PRKN: variants seen among roughly 807,000 people sequenced by gnomAD.
PRKN encodes the protein E3 ubiquitin-protein ligase parkin.
A neutral mutation model predicts 59.5 loss-of-function variants in PRKN; 56 were observed. The ratio of observed to expected loss-of-function variants is 0.94; its 90% confidence interval spans 0.76 to 1.18. The LOEUF (loss-of-function observed/expected upper bound fraction) is 1.18, where lower values mean the gene tolerates loss of function less well. PRKN is among the 50% of genes most tolerant of loss of function. The probability of loss-of-function intolerance (pLI) is 0.00; values close to 1 mark genes in which losing one functional copy is unlikely to be tolerated. For synonymous variants in PRKN, 250 were observed against 222.1 expected (o/e 1.13, Z -1.12); for missense variants, 657 against 596.4 (o/e 1.10, Z -1.06).
At chr6:161,625,229 A>G (rs369569128) in intron 7 of PRKN, among the ~76,000 whole-genome samples, 1 of 152,256 alleles carries the variant, frequency 6.6e-6, no homozygotes, top group African/African-American at 2.4e-5. Flanking sequence ...AATACTATGC[A>G]GCCATAAAAA....
intron 1 of PRKN, among the ~76,000 whole-genome samples, chr6:162,533,987 A>G (rs901486798): frequency 2.6e-5 from 4 of 151,698 alleles, no homozygotes; most frequent in East Asian, 3.9e-4. Flanking sequence ...AAAAAAAAAA[A>G]AGAGATATGA....
In PRKN at chr6:161,753,990, C is replaced by T. The variant is rs149978429; in HGVS notation, c.871+31782G>A. Among the ~76,000 whole-genome samples, 30 of 152,126 alleles carry T rather than the reference C, an allele frequency of 2.0e-4. No homozygotes were observed. The East Asian group carries it at 2.9e-3, about 15-fold the overall frequency. On this transcript the variant is annotated intron_variant, in intron 7 of 11. Transcript: ENST00000366898. ...ATCCAGCAGCCAGAGAAGAGGAGGA[C>T]GATCCCAGACGGTGCCCAGTGTGTA...
chr6:161,628,029 A>G (rs971568318), intron 7 of PRKN, among the ~76,000 whole-genome samples: 8 of 152,218 alleles, frequency 5.3e-5, no homozygotes, highest in African/African-American at 1.9e-4. Context: ...ACAAACAAAC[A>G]TGATGGTGTC....
rs1047870915 is a variant in PRKN, at chr6:161,451,946, TTTTTC to T, written c.1084-65074_1084-65070del. On this transcript the variant is annotated intron_variant, in intron 9 of 11. Transcript: ENST00000366898. The surrounding 1 kb of genome is among the most constrained non-coding windows in gnomAD (Gnocchi z 5.9). ...CTTTTTTCTTTTCTTTTCTTTTACT[TTTTTC>T]TTTTCTTTTCTTTTCTTTTTTTGGG... Among the ~76,000 whole-genome samples the T allele has an allele frequency of 3.5e-4, 53 of 152,066 alleles. No individual in the cohort carries two copies. Among genetic ancestry groups the T allele is most frequent in the Middle Eastern group, 3.4e-3 (1 of 294 alleles).
At chr6:162,650,553 C>G (rs1462186235) in intron 1 of PRKN, among the ~76,000 whole-genome samples, 2 of 147,924 alleles carry the variant, frequency 1.4e-5, no homozygotes, top group East Asian at 2.0e-4. Flanking sequence ...AGCCGAGATC[C>G]CGCCACTGCA....
Position 161,517,739 on chromosome 6 carries a change from CAAAAAAAAAA to C in PRKN, c.1083+31105_1083+31114del, listed in dbSNP as rs3032892. On this transcript the variant is annotated intron_variant, in intron 9 of 11. Coordinates refer to ENST00000366898, the MANE Select transcript of PRKN (RefSeq NM_004562.3). ...TGGGTGACAGAGTGAGACTCTATCT[CAAAAAAAAAA>C]AAAAAAAAAAAAAAAAGAGTTGAGG... Among the ~76,000 whole-genome samples, 13 of 48,390 alleles carry C rather than the reference CAAAAAAAAAA, an allele frequency of 2.7e-4. No individual in the cohort carries two copies. The Admixed American group carries it at 3.5e-3, about 13-fold the overall frequency. 31.7% of individuals were successfully genotyped at this position (48,390 alleles called of 152,430 possible).
intron 3 of PRKN, among the ~76,000 whole-genome samples, chr6:162,247,857 C>T (rs6922813): frequency 0.069 from 10,482 of 152,132 alleles, 597 homozygotes; most frequent in African/African-American, 0.15. Context: ...TATTTTTGAA[C>T]ACTTGTTAAT....
chr6:162,263,686 G>C (rs1779999888), intron 2 of PRKN, among the ~76,000 whole-genome samples: 1 of 152,176 alleles, frequency 6.6e-6, no homozygotes, highest in African/African-American at 2.4e-5. Flanking sequence ...GGCCGCGGTG[G>C]CTCAGGCCTC....
intron 9 of PRKN, among the ~76,000 whole-genome samples, chr6:161,449,210 C>T (rs1200626957): frequency 6.6e-6 from 1 of 152,052 alleles, no homozygotes; most frequent in Non-Finnish European, 1.5e-5. Context: ...ATAGTAATGC[C>T]CCGGTTTCAA....
intron 1 of PRKN, among the ~76,000 whole-genome samples, chr6:162,708,105 T>G (rs906539941): frequency 3.9e-5 from 6 of 152,222 alleles, no homozygotes; most frequent in African/African-American, 1.4e-4. Flanking sequence ...TATTTATGGC[T>G]CTGATAAACA....
At position 161,399,600 on chromosome 6, in the gene PRKN, G is replaced by A. The variant is rs186667416; in HGVS notation, c.1084-12723C>T. On this transcript the variant is annotated intron_variant, in intron 9 of 11. Transcript: ENST00000366898. This position sits in a 1 kb window ranked among gnomAD's most constrained non-coding sequence, Gnocchi z 4.4. Reference sequence around the variant, plus strand: ...TATGCCTGTTGCATGTCCTGCAACCGGGGTGGGTCAGGGAACTCTCCCGTT... The same window carrying A: ...TATGCCTGTTGCATGTCCTGCAACCAGGGTGGGTCAGGGAACTCTCCCGTT... Among the ~76,000 whole-genome samples, 11 of 152,240 alleles carry A rather than the reference G, an allele frequency of 7.2e-5. No individual in the cohort carries two copies. The East Asian group carries it at 1.9e-3, about 27-fold the overall frequency.
At chr6:161,941,703 GGGCTCCAACAGCCCT>G (rs1779574887) in intron 6 of PRKN, among the ~76,000 whole-genome samples, 1 of 152,134 alleles carries the variant, frequency 6.6e-6, no homozygotes, top group Non-Finnish European at 1.5e-5. Flanking sequence ...CACTGCTGTG[GGGCTCCAACAGCCCT>G]GTCTGTATGC....
In PRKN at chr6:161,499,166, A is replaced by G. The variant is rs1050498078; in HGVS notation, c.1083+49688T>C. The stretch of plus-strand genomic sequence containing the variant: ...TTTTTTTTGGCTCACAGAGTGCTTG[A>G]AAAGAATCTAAGACAACATTTACAG... On this transcript the variant is annotated intron_variant, in intron 9 of 11. Coordinates refer to ENST00000366898, the MANE Select transcript of PRKN (RefSeq NM_004562.3). The surrounding 1 kb of genome is among the most constrained non-coding windows in gnomAD (Gnocchi z 4.2). 2.7e-5 allele frequency among the ~76,000 whole-genome samples: 4 copies of G among 150,228 alleles called. No homozygotes were observed. Among genetic ancestry groups the G allele is most frequent in the Non-Finnish European group, 1.5e-5 (1 of 67,810 alleles).
At chr6:161,622,493 G>A (rs1192246746) in intron 7 of PRKN, among the ~76,000 whole-genome samples, 1 of 152,086 alleles carries the variant, frequency 6.6e-6, no homozygotes, top group Non-Finnish European at 1.5e-5. Flanking sequence ...CACTGCTGCA[G>A]CCCCCAGCAG....
chr6:162,439,070 T>C (rs984467120), intron 2 of PRKN, among the ~76,000 whole-genome samples: 1 of 152,166 alleles, frequency 6.6e-6, no homozygotes, highest in Non-Finnish European at 1.5e-5. Context: ...TCCATTCTTA[T>C]GTCAAACCCA....
intron 1 of PRKN, among the ~76,000 whole-genome samples, chr6:162,593,376 C>A (rs775534647): frequency 1.6e-4 from 25 of 152,150 alleles, no homozygotes; most frequent in Non-Finnish European, 3.2e-4. Context: ...ACCTGAGAAG[C>A]CCTTGGTGGA....
intron 1 of PRKN, among the ~76,000 whole-genome samples, chr6:162,698,477 C>G (rs562369235): frequency 2.0e-5 from 3 of 152,110 alleles, no homozygotes; most frequent in Admixed American, 6.6e-5. Context: ...TATGTGCTGG[C>G]TAGAGCTCAA....
intron 2 of PRKN, among the ~76,000 whole-genome samples, chr6:162,431,493 G>A (rs1789527043): frequency 6.6e-6 from 1 of 152,052 alleles, no homozygotes; most frequent in African/African-American, 2.4e-5. Context: ...AGGAGGCAGA[G>A]GTTGCAGTGA....
chr6:162,609,822 T>G (rs1209099917), intron 1 of PRKN, among the ~76,000 whole-genome samples: 1 of 152,224 alleles, frequency 6.6e-6, no homozygotes, highest in South Asian at 2.1e-4. Context: ...GTACCAGTGA[T>G]TCTGGCAATA....
Sources: gnomAD v4.1 joint callset for allele counts (sites outside exome capture counted in the v4.1 genomes callset) on GRCh38, gnomAD v4.1.1 for gene constraint, Gnocchi (gnomAD v3.1) non-coding constraint, MANE v1.5 for transcripts, NCBI Gene and HGNC (gene_info 2026-07-23, HGNC 2026-07-21) for gene names.